The following SYNDIG1 variants were observed in gnomAD, a reference collection of about 807,000 sequenced individuals.
SYNDIG1 encodes synapse differentiation-inducing gene protein 1.
A neutral mutation model predicts 19.4 loss-of-function variants in SYNDIG1; 9 were observed. The ratio of observed to expected loss-of-function variants is 0.46; its 90% CI spans 0.28 to 0.81. The LOEUF (loss-of-function observed/expected upper bound fraction) is 0.81. SYNDIG1 is among the 30% of genes least tolerant of loss of function. The probability of loss-of-function intolerance (pLI) is 0.12; values close to 1 mark genes in which losing one functional copy is unlikely to be tolerated. For missense variants in SYNDIG1, 311 were observed against 343.3 expected (o/e 0.91, Z 0.74); for synonymous variants, 141 against 145.9 (o/e 0.97, Z 0.24).
chr20:24,639,240 G>C (rs563782712), intron 3 of SYNDIG1, among the ~76,000 whole-genome samples: 1 of 152,190 alleles, frequency 6.6e-6, no homozygotes, highest in Non-Finnish European at 1.5e-5. Context: ...GTCAGATGGC[G>C]AACAAGGAAA....
intron 1 of SYNDIG1, among the ~76,000 whole-genome samples, chr20:24,471,641 C>T (rs994261970): frequency 1.3e-5 from 2 of 149,924 alleles, no homozygotes; most frequent in Admixed American, 6.6e-5. Context: ...ATGGAGAAAC[C>T]TATTTTTAAA....
intron 2 of SYNDIG1, among the ~76,000 whole-genome samples, chr20:24,583,882 T>C (rs772763124): frequency 7.9e-5 from 12 of 151,816 alleles, no homozygotes; most frequent in Non-Finnish European, 1.5e-4. Flanking sequence ...CTGCCAGAGG[T>C]TGGAGGGTGG....
chr20:24,615,839 C>A (rs1293221594), intron 3 of SYNDIG1, among the ~76,000 whole-genome samples: 1 of 150,144 alleles, frequency 6.7e-6, no homozygotes, highest in Admixed American at 6.6e-5. Context: ...CCTCCCCCAC[C>A]CGCCCCTCTC....
intron 3 of SYNDIG1, among the ~76,000 whole-genome samples, chr20:24,655,980 C>G (rs780393873): frequency 1.3e-5 from 2 of 152,204 alleles, no homozygotes; most frequent in Non-Finnish European, 2.9e-5. Context: ...CAGACACCAT[C>G]GTGCGTGTAC....
rs1787973692 is a variant in SYNDIG1, at chr20:24,665,370, G to A, written c.643G>A (p.Asp215Asn). 1.9e-6 allele frequency: 3 copies of A among 1,604,348 alleles called. No homozygotes were observed. The highest frequency in any genetic ancestry group is 1.7e-6 in the Non-Finnish European group (2 of 1,177,000). The change falls in exon 4 of 4, where the codon GAC becomes AAC. Residue 215 changes from aspartate to asparagine, a missense_variant. By Grantham distance (23) the Asp-to-Asn change is conservative (BLOSUM62 1). Coordinates refer to ENST00000376862, the MANE Select transcript of SYNDIG1 (RefSeq NM_024893.3). ...GACCAACAAAGCCGTGGCCAAGGGG[G>A]ACTTGCACCAGGCCAGCACCAGCTC... is the stretch of plus-strand genomic sequence containing the variant. ...HETNKAVAKGDLHQASTSSRR... is the reference protein window; with the variant it reads ...HETNKAVAKGNLHQASTSSRR...
chr20:24,661,904 T>G (rs1376053815), intron 3 of SYNDIG1, among the ~76,000 whole-genome samples: 1 of 152,010 alleles, frequency 6.6e-6, no homozygotes, highest in Non-Finnish European at 1.5e-5. Flanking sequence ...GGGTGGGGGG[T>G]TCCACCAGAG....
At position 24,584,916 on chromosome 20, in the gene SYNDIG1, C is replaced by T; in HGVS notation, c.541C>T (p.His181Tyr). ...TTTCCTCATGATGCCCCCGCGGGACCACCTGGGCCTCAGTGTCTTCTCCAT... is the reference window on the plus strand; with the variant it reads ...TTTCCTCATGATGCCCCCGCGGGACTACCTGGGCCTCAGTGTCTTCTCCAT... ...DNFLMMPPRD[H>Y]LGLSVFSMLC... Residue 181 changes from histidine (H) to tyrosine (Y), a missense_variant, in exon 3 of 4, where the codon CAC becomes TAC. By Grantham distance (83) the His-to-Tyr change is moderately conservative. Transcript: ENST00000376862. 6.2e-7 allele frequency: 1 copy of T among 1,614,138 alleles called. No individual in the cohort carries two copies. Among genetic ancestry groups the T allele is most frequent in the Admixed American group, 1.7e-5 (1 of 60,032 alleles).
At chr20:24,533,736 G>A (rs2057307007) in intron 1 of SYNDIG1, among the ~76,000 whole-genome samples, 1 of 152,190 alleles carries the variant, frequency 6.6e-6, no homozygotes, top group African/African-American at 2.4e-5. Context: ...GGCTGAGGCT[G>A]CACCAGGTGC....
At chr20:24,496,058 G>A (rs1325218459) in intron 1 of SYNDIG1, among the ~76,000 whole-genome samples, 1 of 152,064 alleles carries the variant, frequency 6.6e-6, no homozygotes, top group Non-Finnish European at 1.5e-5. Context: ...TGTTAGACAG[G>A]ATGGTCTCGA....
At chr20:24,630,791 C>T (rs144402156) in intron 3 of SYNDIG1, among the ~76,000 whole-genome samples, 3 of 152,242 alleles carry the variant, frequency 2.0e-5, no homozygotes, top group African/African-American at 7.2e-5. Flanking sequence ...TGCCATTGCC[C>T]CTCTACAAGA....
chr20:24,515,741 A>G (rs1219922638), intron 1 of SYNDIG1, among the ~76,000 whole-genome samples: 2 of 152,234 alleles, frequency 1.3e-5, no homozygotes, highest in Admixed American at 6.5e-5. Flanking sequence ...AAGAATCAAT[A>G]TTGTGAAAAT....
intron 1 of SYNDIG1, among the ~76,000 whole-genome samples, chr20:24,514,679 G>C (rs1242073935): frequency 2.6e-5 from 4 of 152,258 alleles, no homozygotes; most frequent in African/African-American, 9.6e-5. Context: ...AATAATGGGA[G>C]ACTTTAACAC....
intron 2 of SYNDIG1, among the ~76,000 whole-genome samples, chr20:24,547,488 A>G (rs891048250): frequency 2.6e-5 from 4 of 152,166 alleles, no homozygotes; most frequent in African/African-American, 9.7e-5. Context: ...ATGGCTTGAC[A>G]TTAGACAGGT....
chr20:24,610,863 C>CTCG (rs1332131507), intron 3 of SYNDIG1, among the ~76,000 whole-genome samples: 1 of 152,186 alleles, frequency 6.6e-6, no homozygotes, highest in Non-Finnish European at 1.5e-5. Context: ...CCAGGCCACT[C>CTCG]TCGGCACCTT....
chr20:24,499,813 C>T (rs906238797), intron 1 of SYNDIG1, among the ~76,000 whole-genome samples: 2 of 152,178 alleles, frequency 1.3e-5, no homozygotes, highest in African/African-American at 4.8e-5. Context: ...AAATTCTATA[C>T]AACACAATGA....
At chr20:24,500,474 TTTTCTTTCTTTCTTTCTTTC>T (rs138037383) in intron 1 of SYNDIG1, among the ~76,000 whole-genome samples, 4,175 of 136,348 alleles carry the variant, frequency 0.031, 90 homozygotes, top group African/African-American at 0.032. Flanking sequence ...AAGCAGATTC[TTTTCTTTCTTTCTTTCTTTC>T]TTTCTTTCTT....
At chr20:24,487,005 C>T (rs1600405125) in intron 1 of SYNDIG1, among the ~76,000 whole-genome samples, 1 of 151,538 alleles carries the variant, frequency 6.6e-6, no homozygotes, top group Non-Finnish European at 1.5e-5. Context: ...GCTGCTAGCC[C>T]GCAGGACACA....
intron 3 of SYNDIG1, among the ~76,000 whole-genome samples, chr20:24,619,549 C>T (rs1385979267): frequency 2.6e-5 from 4 of 152,234 alleles, no homozygotes; most frequent in Admixed American, 1.3e-4. Flanking sequence ...CTCAGGGGAG[C>T]TGGTATTTAT....
intron 3 of SYNDIG1, among the ~76,000 whole-genome samples, chr20:24,633,762 A>G (rs571530094): frequency 1.3e-5 from 2 of 151,630 alleles, no homozygotes; most frequent in Admixed American, 6.6e-5. Context: ...TGCTGTGGAG[A>G]CTCCTGAGGT....
Sources: allele counts gnomAD v4.1 joint callset (sites outside exome capture counted in the v4.1 genomes callset), GRCh38; gene constraint gnomAD v4.1.1; transcripts MANE v1.5; gene names NCBI Gene and HGNC (gene_info 2026-07-23, HGNC 2026-07-21).